PLEKHA6: variants seen among roughly 807,000 people sequenced by gnomAD.
PLEKHA6 encodes the protein pleckstrin homology domain containing A6.
PLEKHA6 carries 60 observed loss-of-function variants against 116.7 expected under a neutral mutation model. The observed-to-expected ratio is 0.51, with a 90% CI of 0.42 to 0.64. The LOEUF is 0.64. Ranked by LOEUF, PLEKHA6 falls within the 30% of genes least tolerant of loss-of-function variation. The pLI is 0.00. For synonymous variants in PLEKHA6, 489 were observed against 556.1 expected (o/e 0.88, Z 1.70); for missense variants, 1,338 against 1,422.7 (o/e 0.94, Z 0.96).
At chr1:204,248,154 C>T (rs887423598) in intron 12 of PLEKHA6, among the ~76,000 whole-genome samples, 1 of 60,684 alleles carries the variant, frequency 1.6e-5, no homozygotes, top group Non-Finnish European at 3.0e-5. Flanking sequence ...AGGGCAGCAG[C>T]CTTTTTTTTT....
chr1:204,249,122 C>T, intron 11 of PLEKHA6, 62 bp downstream of exon 11: 2 of 1,504,318 alleles, frequency 1.3e-6, no homozygotes, highest in Admixed American at 3.4e-5. Flanking sequence ...CAGCAGCCCA[C>T]AACCTTCTCC....
chr1:204,311,504 A>T, intron 1 of PLEKHA6: 1 of 591,426 alleles, frequency 1.7e-6, no homozygotes, highest in Non-Finnish European at 2.1e-6. Context: ...AAAAAAAAAA[A>T]GTTATTCTGC....
intron 1 of PLEKHA6, among the ~76,000 whole-genome samples, chr1:204,286,528 G>T (rs1341262241): frequency 1.3e-5 from 2 of 152,198 alleles, no homozygotes; most frequent in African/African-American, 4.8e-5. Context: ...GCCTACACCT[G>T]TTGGAGTATA....
chr1:204,267,974 G>A (rs577707518), intron 4 of PLEKHA6, among the ~76,000 whole-genome samples: 1 of 110,426 alleles, frequency 9.1e-6, no homozygotes, highest in Non-Finnish European at 2.0e-5. Context: ...CAAGGTCATT[G>A]CATCTGTCCA....
At chr1:204,294,401 C>G (rs1038865633) in intron 1 of PLEKHA6, among the ~76,000 whole-genome samples, 1 of 152,226 alleles carries the variant, frequency 6.6e-6, no homozygotes, top group African/African-American at 2.4e-5. Context: ...GCTTAACCCC[C>G]AGAGATAGGT....
intron 1 of PLEKHA6, among the ~76,000 whole-genome samples, chr1:204,338,443 A>G (rs1379795433): frequency 6.6e-6 from 1 of 152,226 alleles, no homozygotes; most frequent in African/African-American, 2.4e-5. Flanking sequence ...AGAACTCATT[A>G]GTTCAACAGG....
chr1:204,280,591 T>C (rs3795568), intron 1 of PLEKHA6: 52,828 of 320,098 alleles, frequency 0.17, 4,833 homozygotes, highest in East Asian at 0.28. Context: ...TGGAGAGAGG[T>C]TTGCATGCAA....
At chr1:204,231,788 G>A (rs1016288741) in intron 17 of PLEKHA6, among the ~76,000 whole-genome samples, 4 of 152,096 alleles carry the variant, frequency 2.6e-5, no homozygotes, top group African/African-American at 9.7e-5. Context: ...TGCTCAAGCT[G>A]TTTTTGAACC....
intron 6 of PLEKHA6, among the ~76,000 whole-genome samples, chr1:204,262,756 G>T (rs1666289378): frequency 6.6e-6 from 1 of 152,174 alleles, no homozygotes; most frequent in South Asian, 2.1e-4. Context: ...AGGCAGGGGT[G>T]GGCCTCCTTC....
chr1:204,242,588 T>A (rs962324706), intron 15 of PLEKHA6, among the ~76,000 whole-genome samples: 2 of 152,078 alleles, frequency 1.3e-5, no homozygotes, highest in African/African-American at 2.4e-5. Context: ...TAACTGCATA[T>A]CTCCTGGATC....
chr1:204,356,320 C>A (rs1329946636), intron 1 of PLEKHA6, among the ~76,000 whole-genome samples: 2 of 152,176 alleles, frequency 1.3e-5, no homozygotes, highest in Non-Finnish European at 2.9e-5. Context: ...CGCCTGTAAT[C>A]CCAGCACTTT....
intron 17 of PLEKHA6, among the ~76,000 whole-genome samples, chr1:204,235,122 G>T (rs780733427): frequency 6.6e-6 from 1 of 150,406 alleles, no homozygotes; most frequent in African/African-American, 2.4e-5. Context: ...ACAGATTTTG[G>T]TATTAAGGAT....
At chr1:204,234,992 ATATATATATATATATATATATC>A (rs1661797353) in intron 17 of PLEKHA6, among the ~76,000 whole-genome samples, 3 of 22,590 alleles carry the variant, frequency 1.3e-4, no homozygotes, top group African/African-American at 7.7e-4. Context: ...ATATATATAT[ATATATATATATATATATATATC>A]TAATAGCAGA....
rs145323873 is a variant in PLEKHA6, at chr1:204,231,385, C to G, written c.2410-799G>C. On this transcript the variant is annotated intron_variant, in intron 17 of 22. Transcript: ENST00000272203. ...TATCCCAGGGGACTGGTGCTAGGAT[C>G]CTGATGGATACCAAAATTCATGAAT... Among the ~76,000 whole-genome samples, 183 of 152,182 alleles carry G rather than the reference C, an allele frequency of 1.2e-3. 1 individual carries two copies. The highest frequency in any genetic ancestry group is 4.2e-3 in the African/African-American group (174 of 41,516).
chr1:204,312,574 C>T (rs1484968678), intron 1 of PLEKHA6, among the ~76,000 whole-genome samples: 2 of 152,180 alleles, frequency 1.3e-5, no homozygotes, highest in Admixed American at 6.5e-5. Flanking sequence ...ACAAACACAA[C>T]GTTCACCTGG....
upstream of PLEKHA6, among the ~76,000 whole-genome samples, chr1:204,362,238 C>T (rs1378893584): frequency 6.6e-6 from 1 of 152,192 alleles, no homozygotes; most frequent in Non-Finnish European, 1.5e-5. Flanking sequence ...AATCTAAGTT[C>T]TTGCTCTGCG....
At chr1:204,247,154 T>C (rs1319806286) in intron 13 of PLEKHA6, among the ~76,000 whole-genome samples, 1 of 152,136 alleles carries the variant, frequency 6.6e-6, no homozygotes, top group African/African-American at 2.4e-5. Flanking sequence ...AAAAAAATCC[T>C]TTCAGTCATA....
intron 1 of PLEKHA6, among the ~76,000 whole-genome samples, chr1:204,349,124 C>G (rs955770755): frequency 6.6e-6 from 1 of 152,200 alleles, no homozygotes; most frequent in African/African-American, 2.4e-5. Context: ...GTCCCTGAGA[C>G]AGCAGACAAG....
intron 1 of PLEKHA6, among the ~76,000 whole-genome samples, chr1:204,339,864 A>C (rs1672783935): frequency 6.6e-6 from 1 of 152,250 alleles, no homozygotes; most frequent in Non-Finnish European, 1.5e-5. Context: ...ATGACACAAG[A>C]CACTAGCTAC....
Sources: gnomAD v4.1 joint callset for allele counts (sites outside exome capture counted in the v4.1 genomes callset) on GRCh38, gnomAD v4.1.1 for gene constraint, MANE v1.5 for transcripts, NCBI Gene and HGNC (gene_info 2026-07-23, HGNC 2026-07-21) for gene names.